ZC3H12B: variants seen among roughly 807,000 people sequenced by gnomAD.
ZC3H12B encodes the protein probable ribonuclease ZC3H12B.
In ZC3H12B, 7 loss-of-function variants were observed where a neutral mutation model predicts 43.9. The observed-to-expected ratio is 0.16, with a 90% CI of 0.09 to 0.30. The LOEUF is 0.30. ZC3H12B is among the 10% of genes least tolerant of loss of function. ZC3H12B has a pLI of 1.00. For missense variants in ZC3H12B, 475 were observed against 670.2 expected, an observed-to-expected ratio of 0.71 and a Z score of 3.22; for synonymous variants, 222 against 241.7, an observed-to-expected ratio of 0.92 and a Z score of 0.76.
chrX:65,448,889 G>T (rs868230047), intron 3 of ZC3H12B, among the ~76,000 whole-genome samples: 1 of 90,448 alleles, frequency 1.1e-5, no homozygotes, highest in Non-Finnish European at 2.1e-5. Flanking sequence ...AATAAATAAA[G>T]AAAGAAAGAG....
At chrX:65,460,659 T>G (rs2067728128) in intron 3 of ZC3H12B, among the ~76,000 whole-genome samples, 1 of 111,982 alleles carries the variant, frequency 8.9e-6, no homozygotes, top group Admixed American at 9.5e-5. Flanking sequence ...TAGCCATATG[T>G]AGAAAGCTGA....
chrX:65,456,073 C>A (rs1411532875), intron 3 of ZC3H12B, among the ~76,000 whole-genome samples: 4 of 111,401 alleles, frequency 3.6e-5, no homozygotes, highest in Non-Finnish European at 5.6e-5. Context: ...CATCAACTAA[C>A]GAGCAAAATA....
the ZC3H12B span, among the ~76,000 whole-genome samples, chrX:65,152,269 C>T: frequency 9.0e-6 from 1 of 111,351 alleles, no homozygotes; most frequent in African/African-American, 3.3e-5. Context: ...GGGTATTCAA[C>T]TAGGAAAAGA....
At chrX:65,170,861 T>C in the ZC3H12B span, among the ~76,000 whole-genome samples, 2 of 112,277 alleles carry the variant, frequency 1.8e-5, no homozygotes, top group African/African-American at 6.5e-5. Flanking sequence ...CACCTAGTTC[T>C]CGTACCATGG....
chrX:65,209,596 C>G, the ZC3H12B span, among the ~76,000 whole-genome samples: 7 of 107,074 alleles, frequency 6.5e-5, no homozygotes, highest in South Asian at 4.3e-4. Context: ...GCTTTACTTC[C>G]AACTATGTGG....
At chrX:65,475,487 C>T (rs2067980533) in intron 3 of ZC3H12B, among the ~76,000 whole-genome samples, 1 of 109,386 alleles carries the variant, frequency 9.1e-6, no homozygotes, top group African/African-American at 3.3e-5. Flanking sequence ...CTACTCTTTA[C>T]TGGATTGCAA....
chrX:65,186,016 C>T, the ZC3H12B span: 1 of 111,333 alleles, frequency 9.0e-6, no homozygotes, highest in Non-Finnish European at 1.9e-5. Context: ...GAGAAAGGCA[C>T]GCATTTTGGA....
rs181057029 is a variant in ZC3H12B, at chrX:65,370,750, G to A, written n.295+1752G>A. ...TTCTAGGTCATTCTCTTTGTGAAAA[G>A]TAATCTACCACCAAGGAGAAGCCTG... On this transcript the variant is annotated intron_variant and non_coding_transcript_variant, in intron 2 of 5. Transcript: ENST00000617377. Among the ~76,000 whole-genome samples, 637 of 111,950 alleles carry A rather than the reference G, an allele frequency of 5.7e-3. 3 individuals carry two copies. Among genetic ancestry groups the A allele is most frequent in the Admixed American group, 8.9e-3 (93 of 10,493 alleles).
the ZC3H12B span, among the ~76,000 whole-genome samples, chrX:65,226,611 A>T: frequency 1.8e-5 from 2 of 111,554 alleles, no homozygotes; most frequent in African/African-American, 6.5e-5. Flanking sequence ...GTCAAGACCC[A>T]TCAGTGTGCT....
the ZC3H12B span, among the ~76,000 whole-genome samples, chrX:65,080,558 C>A: frequency 1.8e-5 from 2 of 110,914 alleles, no homozygotes; most frequent in African/African-American, 6.5e-5. Context: ...ACCTTACAGG[C>A]CAGGAGAGAG....
At chrX:65,473,224 C>T (rs2067951041) in intron 3 of ZC3H12B, among the ~76,000 whole-genome samples, 1 of 108,141 alleles carries the variant, frequency 9.2e-6, no homozygotes, top group Non-Finnish European at 1.9e-5. Flanking sequence ...CCATGTTGGC[C>T]AGGCTGGTCT....
the ZC3H12B span, among the ~76,000 whole-genome samples, chrX:65,064,727 A>G: frequency 9.0e-6 from 1 of 111,696 alleles, no homozygotes; most frequent in Non-Finnish European, 1.9e-5. Context: ...GATCTGTCTA[A>G]TATTGACAGT....
intron 3 of ZC3H12B, among the ~76,000 whole-genome samples, chrX:65,438,235 A>G (rs2067245938): frequency 9.1e-6 from 1 of 110,236 alleles, no homozygotes; most frequent in African/African-American, 3.4e-5. Context: ...ACATTTTTAA[A>G]GTATTTTTTT....
the ZC3H12B span, among the ~76,000 whole-genome samples, chrX:65,158,816 C>T: frequency 3.6e-5 from 4 of 111,806 alleles, no homozygotes; most frequent in Non-Finnish European, 7.5e-5. Flanking sequence ...GTTGCCATTG[C>T]TTTTGGTGTT....
At chrX:65,237,028 G>C in the ZC3H12B span, among the ~76,000 whole-genome samples, 1 of 111,763 alleles carries the variant, frequency 8.9e-6, no homozygotes, top group Non-Finnish European at 1.9e-5. Context: ...GTGGCTGTTT[G>C]GGCTCTTTTG....
the ZC3H12B span, among the ~76,000 whole-genome samples, chrX:65,355,223 T>A: frequency 4.5e-5 from 5 of 111,291 alleles, no homozygotes; most frequent in Non-Finnish European, 7.5e-5. Context: ...AAAGGTTGGG[T>A]TACCTACAAA....
chrX:65,341,234 T>C, the ZC3H12B span, among the ~76,000 whole-genome samples: 1 of 112,035 alleles, frequency 8.9e-6, no homozygotes, highest in South Asian at 3.8e-4. Flanking sequence ...CTATGACTCA[T>C]TGGTGTCTCT....
the ZC3H12B span, among the ~76,000 whole-genome samples, chrX:65,291,954 T>G: frequency 5.6e-3 from 628 of 111,867 alleles, 4 homozygotes; most frequent in Admixed American, 8.7e-3. Flanking sequence ...ATGAAGGGAT[T>G]AATTCTCTAA....
chrX:65,099,409 C>T, the ZC3H12B span, among the ~76,000 whole-genome samples: 1 of 111,357 alleles, frequency 9.0e-6, no homozygotes, highest in Non-Finnish European at 1.9e-5. Flanking sequence ...CAAGTGGGTC[C>T]CTGACCACCG....
Sources: allele counts gnomAD v4.1 joint callset (sites outside exome capture counted in the v4.1 genomes callset), GRCh38; gene constraint gnomAD v4.1.1; transcripts MANE v1.5; gene names NCBI Gene and HGNC (gene_info 2026-07-23, HGNC 2026-07-21).